The following ARFGAP3 variants were observed in gnomAD, a reference collection of about 807,000 sequenced individuals.
The protein encoded by ARFGAP3 is ADP-ribosylation factor GTPase-activating protein 3.
In ARFGAP3, 72 loss-of-function variants were observed where a neutral mutation model predicts 75.0. That is an observed-to-expected ratio of 0.96 (90% CI 0.79 to 1.17). The LOEUF is 1.17. ARFGAP3 is among the 50% of genes most tolerant of loss of function. The pLI is 0.00. For missense variants in ARFGAP3, 620 were observed against 626.6 expected (o/e 0.99, Z 0.11); for synonymous variants, 221 against 217.9 (o/e 1.01, Z -0.13).
chr22:42,797,729 C>G, intron 15 of ARFGAP3, 124 bp from the exon 16 acceptor site: 2 of 1,596,138 alleles, frequency 1.3e-6, no homozygotes, highest in Non-Finnish European at 1.7e-6. Context: ...GACATGGACG[C>G]TGCACCCCGA....
chr22:42,854,735 G>A (rs1218291986), intron 1 of ARFGAP3, among the ~76,000 whole-genome samples: 1 of 152,086 alleles, frequency 6.6e-6, no homozygotes, highest in Admixed American at 6.6e-5. Flanking sequence ...TGTTCTAAAA[G>A]TAAGCCGACT....
At chr22:42,800,553 G>T (rs1021794793) in intron 14 of ARFGAP3, among the ~76,000 whole-genome samples, 2 of 152,124 alleles carry the variant, frequency 1.3e-5, no homozygotes. Context: ...AGAAAGCCTT[G>T]GTCAAGTCCC....
intron 2 of ARFGAP3, among the ~76,000 whole-genome samples, chr22:42,842,971 G>C (rs1446530666): frequency 6.6e-6 from 1 of 152,066 alleles, no homozygotes; most frequent in African/African-American, 2.4e-5. Context: ...CCAACACCCT[G>C]TACGGCAGGT....
intron 2 of ARFGAP3, chr22:42,847,275 TCCCA>T (rs1328003854): frequency 2.6e-6 from 1 of 388,780 alleles, no homozygotes; most frequent in East Asian, 5.3e-5. Context: ...TAAGTGATCC[TCCCA>T]CTTCAGCCTC....
chr22:42,816,864 T>C (rs1251152197), intron 11 of ARFGAP3, among the ~76,000 whole-genome samples: 2 of 152,234 alleles, frequency 1.3e-5, no homozygotes, highest in Non-Finnish European at 2.9e-5. Context: ...TGCAGTTTTC[T>C]CCAATTTCAT....
At chr22:42,809,830 C>T (rs922073280) in intron 12 of ARFGAP3, among the ~76,000 whole-genome samples, 8 of 151,370 alleles carry the variant, frequency 5.3e-5, no homozygotes, top group Admixed American at 2.0e-4. Flanking sequence ...GGTGAAACCC[C>T]GTCTCTATTA....
chr22:42,842,525 G>A (rs1402163308), intron 2 of ARFGAP3, among the ~76,000 whole-genome samples: 2 of 151,594 alleles, frequency 1.3e-5, no homozygotes. Context: ...TCAGCTCATG[G>A]TAATCTCTGC....
At chr22:42,845,995 G>A (rs1413483385) in intron 2 of ARFGAP3, among the ~76,000 whole-genome samples, 5 of 133,822 alleles carry the variant, frequency 3.7e-5, no homozygotes, top group African/African-American at 1.4e-4. Flanking sequence ...CTGAGATCGC[G>A]CCATTGCACT....
chr22:42,847,225 C>A (rs117608236), intron 2 of ARFGAP3: 5,972 of 249,716 alleles, frequency 0.024, 140 homozygotes, highest in Non-Finnish European at 0.031. Context: ...TGGAATGCAG[C>A]GGCAAGATCA....
At chr22:42,840,170 G>A (rs141529024) in intron 3 of ARFGAP3, among the ~76,000 whole-genome samples, 165 of 152,224 alleles carry the variant, frequency 1.1e-3, no homozygotes, top group Middle Eastern at 6.8e-3. Flanking sequence ...GGCTCAAGGC[G>A]ATCTGCCTGC....
chr22:42,832,145 T>C (rs1374669950), intron 5 of ARFGAP3, among the ~76,000 whole-genome samples: 5 of 145,994 alleles, frequency 3.4e-5, no homozygotes, highest in African/African-American at 1.3e-4. Flanking sequence ...CTAATAAGTA[T>C]GTGCAAATTA....
At chr22:42,826,711 T>TTAA (rs1926054570) in intron 7 of ARFGAP3, among the ~76,000 whole-genome samples, 1 of 152,132 alleles carries the variant, frequency 6.6e-6, no homozygotes, top group Admixed American at 6.5e-5. Context: ...CAATGCTGCA[T>TTAA]TTTATATTAT....
chr22:42,856,206 T>G (rs1259618306), intron 1 of ARFGAP3, among the ~76,000 whole-genome samples: 1 of 152,220 alleles, frequency 6.6e-6, no homozygotes, highest in South Asian at 2.1e-4. Context: ...GGCTCCCCTG[T>G]ACCATCAAGA....
chr22:42,837,557 C>T (rs893530322), intron 3 of ARFGAP3, among the ~76,000 whole-genome samples: 1 of 138,922 alleles, frequency 7.2e-6, no homozygotes, highest in Non-Finnish European at 1.5e-5. Flanking sequence ...GAAGTTGAGG[C>T]TGCAGTGAGC....
chr22:42,810,896 C>A lies in ARFGAP3; in HGVS notation c.1113G>T (p.Trp371Cys). ...TCCAATAGGAATCTGAACTGTCATC[C>A]CAGCTAGAGAAAGAACTGCTCCTTA... ...VELRSSSFSSWDDSSDSYWKK... is the reference protein window; with the variant it reads ...VELRSSSFSSCDDSSDSYWKK... Residue 371 changes from tryptophan to cysteine, a missense_variant, in exon 12 of 16, where the codon TGG (tryptophan) becomes TGT (cysteine). By Grantham distance (215) the Trp-to-Cys change is radical (BLOSUM62 -2). Transcript: ENST00000263245. The A allele has an allele frequency of 6.2e-7, 1 of 1,614,138 alleles. No homozygotes were observed. The highest frequency in any genetic ancestry group is 8.5e-7 in the Non-Finnish European group (1 of 1,180,028).
intron 11 of ARFGAP3, among the ~76,000 whole-genome samples, chr22:42,814,333 A>C (rs139465295): frequency 7.2e-5 from 11 of 152,322 alleles, no homozygotes; most frequent in Admixed American, 1.3e-4. Flanking sequence ...AAAGTACCTA[A>C]TAGTATCCTC....
At chr22:42,822,171 T>TC (rs528085770) in intron 9 of ARFGAP3, 99 bp downstream of exon 9, 328 of 900,544 alleles carry the variant, frequency 3.6e-4, no homozygotes, top group South Asian at 1.7e-3. Flanking sequence ...TACCCTCCCT[T>TC]CCCCCCCCAC....
intron 14 of ARFGAP3, among the ~76,000 whole-genome samples, chr22:42,804,359 A>G (rs1055056039): frequency 2.9e-5 from 4 of 138,724 alleles, no homozygotes; most frequent in African/African-American, 1.1e-4. Context: ...ACAGGCGCCC[A>G]CCACCACACC....
rs185433512 is a variant in ARFGAP3, at chr22:42,822,429, A to G, written c.673-20T>C. 2.7e-5 allele frequency: 43 copies of G among 1,611,048 alleles called. 1 individual carries two copies. The Admixed American group carries it at 5.7e-4, about 22-fold the overall frequency. On this transcript the variant is annotated intron_variant, in intron 8 of 15. Coordinates refer to ENST00000263245, the MANE Select transcript of ARFGAP3 (RefSeq NM_014570.5). ...CCCAAGCTAGAACATATATAAGACT[A>G]TAGTCTACACGAGCTGTTTGAAAGC...
Sources: gnomAD v4.1 joint callset for allele counts (sites outside exome capture counted in the v4.1 genomes callset) on GRCh38, gnomAD v4.1.1 for gene constraint, MANE v1.5 for transcripts, NCBI Gene and HGNC (gene_info 2026-07-23, HGNC 2026-07-21) for gene names.